KPNA1: variants seen among roughly 807,000 people sequenced by gnomAD.
KPNA1 encodes the protein importin subunit alpha-5.
In KPNA1, 10 loss-of-function variants were observed where a neutral mutation model predicts 70.5. The ratio of observed to expected loss-of-function variants is 0.14; its 90% CI spans 0.09 to 0.24. KPNA1 has a LOEUF of 0.24. KPNA1 is among the 10% of genes least tolerant of loss of function. The pLI, the probability that KPNA1 is intolerant of heterozygous loss-of-function variation, is 1.00. For missense variants in KPNA1, 397 were observed against 637.9 expected (o/e 0.62, Z 4.07); for synonymous variants, 192 against 221.9 (o/e 0.87, Z 1.20).
rs1448018053 is a variant in KPNA1, at chr3:122,509,234, ACTCT to A, written c.-6+5519_-6+5522del. ...GCACTCACTTGGGCAACTGAACAAG[ACTCT>A]CTATCAAACAAAAAAAAAAAAAAGA... On this transcript the variant is annotated intron_variant, in intron 1 of 13. Coordinates refer to ENST00000344337, the MANE Select transcript of KPNA1 (RefSeq NM_002264.4). 4.0e-4 allele frequency among the ~76,000 whole-genome samples: 60 copies of A among 149,572 alleles called. No homozygotes were observed. In the East Asian group the frequency reaches 8.8e-3, roughly 22 times the overall value.
At chr3:122,481,773 T>A (rs947480334) in intron 2 of KPNA1, among the ~76,000 whole-genome samples, 7 of 152,230 alleles carry the variant, frequency 4.6e-5, no homozygotes, top group African/African-American at 1.7e-4. Flanking sequence ...TGGTTCAAGA[T>A]AAATAATATA....
Position 122,426,720 on chromosome 3 carries a change from G to A in KPNA1, c.*265C>T, listed in dbSNP as rs549970044. 2.5e-5 allele frequency: 9 copies of A among 364,064 alleles called. No homozygotes were observed. Among genetic ancestry groups the A allele is most frequent in the African/African-American group, 1.0e-4 (5 of 48,448 alleles). 22.6% of individuals were successfully genotyped at this position (364,064 alleles called of 1,614,324 possible). A position where few individuals can be genotyped will look rare whatever the true frequency, so the allele number is the denominator to read the frequency against. ...GTATATTCCCATAACTCTAATGTAA[G>A]TGCGGATCTCCAAAGCCTAGGGATT... On this transcript the variant is annotated 3_prime_UTR_variant, in exon 14 of 14. Transcript: ENST00000344337.
intron 1 of KPNA1, among the ~76,000 whole-genome samples, chr3:122,513,921 G>C (rs904466443): frequency 1.3e-5 from 2 of 152,022 alleles, no homozygotes; most frequent in Non-Finnish European, 2.9e-5. Flanking sequence ...ACAAAAACTC[G>C]GCAATCGTTT....
intron 2 of KPNA1, among the ~76,000 whole-genome samples, chr3:122,494,232 G>C (rs1405189483): frequency 1.3e-5 from 2 of 152,106 alleles, no homozygotes; most frequent in East Asian, 3.8e-4. Context: ...GTCCAGAAGA[G>C]TTTTTCCCAG....
chr3:122,459,247 A>C (rs1341936692), intron 5 of KPNA1, among the ~76,000 whole-genome samples: 1 of 152,202 alleles, frequency 6.6e-6, no homozygotes, highest in Non-Finnish European at 1.5e-5. Context: ...AGATGGGGAA[A>C]GATCCATTTC....
At chr3:122,436,230 G>C (rs2075985442) in intron 11 of KPNA1, among the ~76,000 whole-genome samples, 1 of 152,182 alleles carries the variant, frequency 6.6e-6, no homozygotes, top group Non-Finnish European at 1.5e-5. Flanking sequence ...AGTCAGACTG[G>C]TTGTCTGTTC....
intron 3 of KPNA1, among the ~76,000 whole-genome samples, chr3:122,465,154 A>G (rs2076366384): frequency 6.6e-6 from 1 of 152,250 alleles, no homozygotes; most frequent in African/African-American, 2.4e-5. Context: ...GTCACAGGCT[A>G]TCAAGGACAG....
At chr3:122,511,295 T>A (rs867757189) in intron 1 of KPNA1, among the ~76,000 whole-genome samples, 14 of 152,122 alleles carry the variant, frequency 9.2e-5, no homozygotes, top group South Asian at 4.1e-4. Flanking sequence ...TCAGCACATA[T>A]CCCTCCTCAC....
At chr3:122,462,458 C>G (rs1023426588) in intron 4 of KPNA1, among the ~76,000 whole-genome samples, 31 of 152,066 alleles carry the variant, frequency 2.0e-4, no homozygotes, top group African/African-American at 6.5e-4. Context: ...AGAAGGTAAC[C>G]TCTCACCATA....
At chr3:122,460,208 T>C in intron 5 of KPNA1, 8 of 985,382 alleles carry the variant, frequency 8.1e-6, no homozygotes, top group Middle Eastern at 5.2e-4. Context: ...ACTGACTCAG[T>C]TGGTTACTCC....
intron 10 of KPNA1, among the ~76,000 whole-genome samples, chr3:122,437,763 T>C (rs1303214076): frequency 1.3e-5 from 2 of 152,186 alleles, no homozygotes; most frequent in African/African-American, 4.8e-5. Flanking sequence ...GCTATCAGTT[T>C]ATAAAGGTGA....
At chr3:122,483,042 C>A in intron 2 of KPNA1, 1 of 153,928 alleles carries the variant, frequency 6.5e-6, no homozygotes. Flanking sequence ...AGGTGGAGAC[C>A]CAGCACAGTT....
intron 2 of KPNA1, among the ~76,000 whole-genome samples, chr3:122,480,346 T>C (rs1310142928): frequency 1.6e-4 from 25 of 152,070 alleles, no homozygotes; most frequent in Admixed American, 1.6e-3. Flanking sequence ...TGGGGGATGC[T>C]GACAATGCCG....
At chr3:122,485,203 T>C (rs936793074) in intron 2 of KPNA1, among the ~76,000 whole-genome samples, 1 of 152,076 alleles carries the variant, frequency 6.6e-6, no homozygotes, top group African/African-American at 2.4e-5. Context: ...CATGAGTCAC[T>C]GCACCCAGAC....
At position 122,425,211 on chromosome 3, in the gene KPNA1, A is replaced by C. The variant is rs2075806511; in HGVS notation, c.*1774T>G. On this transcript the variant is annotated 3_prime_UTR_variant, in exon 14 of 14. Coordinates refer to ENST00000344337, the MANE Select transcript of KPNA1 (RefSeq NM_002264.4). ...TCTTTGACTCTTTCTAGTTTGAATGAAGTGGATTTTTTAAAAGTTTAAATC... is the reference window on the plus strand; with the variant it reads ...TCTTTGACTCTTTCTAGTTTGAATGCAGTGGATTTTTTAAAAGTTTAAATC... 6.6e-6 allele frequency: 1 copy of C among 152,656 alleles called. No individual in the cohort carries two copies. The highest frequency in any genetic ancestry group is 6.5e-5 in the Admixed American group (1 of 15,282). 9.5% of individuals were successfully genotyped at this position (152,656 alleles called of 1,614,324 possible). A position where few individuals can be genotyped will look rare whatever the true frequency, so the allele number is the denominator to read the frequency against.
intron 1 of KPNA1, among the ~76,000 whole-genome samples, chr3:122,498,612 G>T (rs909829046): frequency 4.6e-5 from 7 of 152,092 alleles, no homozygotes; most frequent in Admixed American, 2.6e-4. Flanking sequence ...TGATCTATAT[G>T]TGTATCCCTG....
At chr3:122,432,686 A>G (rs914398203) in intron 12 of KPNA1, 1 of 151,912 alleles carries the variant, frequency 6.6e-6, no homozygotes, top group African/African-American at 2.4e-5. Context: ...TTTTTTCCCT[A>G]TCTGAAATAC....
At chr3:122,471,885 T>C (rs1174677925) in intron 2 of KPNA1, among the ~76,000 whole-genome samples, 1 of 152,158 alleles carries the variant, frequency 6.6e-6, no homozygotes, top group Non-Finnish European at 1.5e-5. Flanking sequence ...AGGATAAAAA[T>C]AAGGATAAAA....
At chr3:122,484,602 C>G (rs911105485) in intron 2 of KPNA1, among the ~76,000 whole-genome samples, 2 of 132,900 alleles carry the variant, frequency 1.5e-5, no homozygotes, top group African/African-American at 4.2e-5. Flanking sequence ...GAGATCACAC[C>G]ACTGCACTCC....
Sources: gnomAD v4.1 joint callset for allele counts (sites outside exome capture counted in the v4.1 genomes callset) on GRCh38, gnomAD v4.1.1 for gene constraint, MANE v1.5 for transcripts, NCBI Gene and HGNC (gene_info 2026-07-23, HGNC 2026-07-21) for gene names.